Variants in RPTOR observed in about 807,000 individuals in gnomAD.
The protein encoded by RPTOR is regulatory-associated protein of mTOR.
RPTOR carries 21 observed loss-of-function variants against 169.9 expected under a neutral mutation model. The ratio of observed to expected loss-of-function variants is 0.12; its 90% confidence interval spans 0.09 to 0.18. The LOEUF (loss-of-function observed/expected upper bound fraction) is 0.18, where lower values mean the gene tolerates loss of function less well. Ranked by LOEUF, RPTOR falls within the 10% of genes least tolerant of loss-of-function variation. The pLI is 1.00. For synonymous variants in RPTOR, 732 were observed against 753.2 expected (o/e 0.97, Z 0.46); for missense variants, 1,133 against 1,855.9 (o/e 0.61, Z 7.16).
intron 5 of RPTOR, among the ~76,000 whole-genome samples, chr17:80,743,744 C>T (rs1299115425): frequency 1.4e-5 from 2 of 139,382 alleles, no homozygotes; most frequent in African/African-American, 2.8e-5. Context: ...TGGCTACTAG[C>T]AGAGCCCTGG....
chr17:80,877,403 G>A (rs2068133050), intron 13 of RPTOR, among the ~76,000 whole-genome samples: 2 of 152,204 alleles, frequency 1.3e-5, no homozygotes, highest in South Asian at 4.1e-4. Context: ...TTCCCACCTG[G>A]CATAATGACC....
chr17:80,810,053 A>AAAT (rs1167905538), intron 7 of RPTOR, among the ~76,000 whole-genome samples: 1 of 66,018 alleles, frequency 1.5e-5, no homozygotes, highest in African/African-American at 6.5e-5. Context: ...ATCTCAAAAT[A>AAAT]AATAAATAAA....
chr17:80,702,500 T>G (rs186008409), intron 3 of RPTOR, among the ~76,000 whole-genome samples: 92 of 152,328 alleles, frequency 6.0e-4, no homozygotes, highest in African/African-American at 2.0e-3. Flanking sequence ...ATCCCTGGCA[T>G]TCTAGTTGTG....
At chr17:80,887,869 A>G (rs2068268045) in intron 17 of RPTOR, among the ~76,000 whole-genome samples, 1 of 131,382 alleles carries the variant, frequency 7.6e-6, no homozygotes, top group Non-Finnish European at 1.8e-5. Flanking sequence ...TTAGCCCCCA[A>G]ATTATTTTGA....
At chr17:80,911,926 C>T (rs1208034844) in intron 21 of RPTOR, among the ~76,000 whole-genome samples, 1 of 152,214 alleles carries the variant, frequency 6.6e-6, no homozygotes, top group East Asian at 1.9e-4. Flanking sequence ...AAACCACCCA[C>T]GGAGGCCCCA....
At chr17:80,722,372 T>G (rs967639619) in intron 4 of RPTOR, among the ~76,000 whole-genome samples, 4 of 151,104 alleles carry the variant, frequency 2.6e-5, no homozygotes, top group Non-Finnish European at 2.9e-5. Flanking sequence ...GGGAGTTATA[T>G]TTGATTGCCT....
At position 80,956,149 on chromosome 17, in the gene RPTOR, C is replaced by T. The variant is rs565500801; in HGVS notation, c.3371-1475C>T. Among the ~76,000 whole-genome samples, 260 of 152,064 alleles carry T rather than the reference C, an allele frequency of 1.7e-3. 1 individual carries two copies. The highest frequency in any genetic ancestry group is 6.1e-3 in the African/African-American group (255 of 41,474). On this transcript the variant is annotated intron_variant, in intron 28 of 33. Coordinates refer to ENST00000306801, the MANE Select transcript of RPTOR (RefSeq NM_020761.3). ...CAGCCCCTGGGAGGCGCCCTCAGCCCAAGGGACAGCCCTCCCAGGCAGGCG... is the reference window on the plus strand; with the variant it reads ...CAGCCCCTGGGAGGCGCCCTCAGCCTAAGGGACAGCCCTCCCAGGCAGGCG...
intron 13 of RPTOR, among the ~76,000 whole-genome samples, chr17:80,864,120 A>G (rs1414944666): frequency 1.3e-5 from 2 of 152,256 alleles, no homozygotes; most frequent in African/African-American, 4.8e-5. Flanking sequence ...ATTTGATGAC[A>G]ATTATAAACC....
Position 80,773,393 on chromosome 17 carries a change from A to G in RPTOR, c.831-18057A>G, listed in dbSNP as rs142887315. Among the ~76,000 whole-genome samples, 663 of 152,358 alleles carry G rather than the reference A, an allele frequency of 4.4e-3. 9 individuals carry two copies. The highest frequency in any genetic ancestry group is 0.015 in the African/African-American group (624 of 41,582). ...TTTTAATATCCACGTTGGTTGTTGA[A>G]GCAGTATATTCTAGGGGTGCCTGGG... On this transcript the variant is annotated intron_variant, in intron 6 of 33. Coordinates refer to ENST00000306801, the MANE Select transcript of RPTOR (RefSeq NM_020761.3).
chr17:80,778,970 G>A (rs2066914960), intron 6 of RPTOR, among the ~76,000 whole-genome samples: 1 of 152,212 alleles, frequency 6.6e-6, no homozygotes, highest in Non-Finnish European at 1.5e-5. Context: ...GGCATGGACT[G>A]GACATCGCCA....
At chr17:80,603,665 G>A (rs1416645489) in intron 1 of RPTOR, among the ~76,000 whole-genome samples, 1 of 152,104 alleles carries the variant, frequency 6.6e-6, no homozygotes, top group Non-Finnish European at 1.5e-5. Flanking sequence ...CATGGGGTGA[G>A]GTCTGAAGGG....
intron 21 of RPTOR, among the ~76,000 whole-genome samples, chr17:80,920,288 T>A (rs2068729352): frequency 6.6e-6 from 1 of 152,166 alleles, no homozygotes; most frequent in African/African-American, 2.4e-5. Context: ...TGAGTAAATG[T>A]TGAACAAATA....
intron 2 of RPTOR, among the ~76,000 whole-genome samples, chr17:80,631,410 C>T (rs141561880): frequency 2.0e-5 from 3 of 152,120 alleles, no homozygotes; most frequent in African/African-American, 4.8e-5. Flanking sequence ...TGTTTCCACA[C>T]GGATATGCAA....
intron 7 of RPTOR, among the ~76,000 whole-genome samples, chr17:80,795,863 C>T (rs1027075890): frequency 2.6e-5 from 4 of 152,184 alleles, no homozygotes; most frequent in African/African-American, 7.2e-5. Flanking sequence ...AGCCCGTGTC[C>T]GCCTCCCGCC....
At chr17:80,902,318 C>T (rs572475979) in intron 20 of RPTOR, among the ~76,000 whole-genome samples, 3 of 152,334 alleles carry the variant, frequency 2.0e-5, no homozygotes, top group African/African-American at 7.2e-5. Flanking sequence ...CAGCCTCCTG[C>T]CCCCCGTCTC....
At chr17:80,662,163 A>C in intron 3 of RPTOR, among the ~76,000 whole-genome samples, 1 of 151,650 alleles carries the variant, frequency 6.6e-6, no homozygotes. Flanking sequence ...GATCATTTCC[A>C]CTCCCCAGAA....
At position 80,861,537 on chromosome 17, in the gene RPTOR, A is replaced by G. The variant is rs1195673460; in HGVS notation, c.1509+3637A>G. ...TTTTGAAACGTGGTTTCTGTCCTAC[A>G]CCCATATCTTCGTCATCTACATGGA... is the stretch of plus-strand genomic sequence containing the variant. On this transcript the variant is annotated intron_variant, in intron 13 of 33. Coordinates refer to ENST00000306801, the MANE Select transcript of RPTOR (RefSeq NM_020761.3). This position sits in a 1 kb window ranked among gnomAD's most constrained non-coding sequence, Gnocchi z 4.5. Among the ~76,000 whole-genome samples, 2 of 106,008 alleles carry G rather than the reference A, an allele frequency of 1.9e-5. No individual in the cohort carries two copies. Among genetic ancestry groups the G allele is most frequent in the African/African-American group, 5.4e-5 (2 of 37,068 alleles). 69.5% of individuals were successfully genotyped at this position (106,008 alleles called of 152,430 possible).
At chr17:80,628,677 A>T (rs12600403) in intron 2 of RPTOR, among the ~76,000 whole-genome samples, 45,117 of 151,086 alleles carry the variant, frequency 0.3, 7,044 homozygotes, top group Non-Finnish European at 0.35. Flanking sequence ...GTGTCTCTCA[A>T]TGTTGCCCAG....
intron 17 of RPTOR, among the ~76,000 whole-genome samples, chr17:80,885,607 G>A (rs2068236634): frequency 6.6e-6 from 1 of 152,006 alleles, no homozygotes; most frequent in African/African-American, 2.4e-5. Context: ...GCAGTGGCGT[G>A]ATCTTGGCTC....
Sources: gnomAD v4.1 joint callset for allele counts (sites outside exome capture counted in the v4.1 genomes callset) on GRCh38, gnomAD v4.1.1 for gene constraint, Gnocchi (gnomAD v3.1) non-coding constraint, MANE v1.5 for transcripts, NCBI Gene and HGNC (gene_info 2026-07-23, HGNC 2026-07-21) for gene names.